The following DOCK4 variants were observed in gnomAD, a reference collection of about 807,000 sequenced individuals.
DOCK4 encodes dedicator of cytokinesis protein 4.
Under a neutral mutation model 268.1 loss-of-function variants are expected in DOCK4, and 97 were observed. That is an observed-to-expected ratio of 0.36 (90% CI 0.31 to 0.43). The LOEUF is 0.43. Among genes scored for constraint, DOCK4 ranks in the 20% least tolerant of loss-of-function variants. DOCK4 has a pLI of 1.00. For missense variants in DOCK4, 2,145 were observed against 2,455.7 expected (o/e 0.87, Z 2.67); for synonymous variants, 954 against 887.2 (o/e 1.08, Z -1.34).
At chr7:111,991,765 T>C (rs952039693) in intron 5 of DOCK4, among the ~76,000 whole-genome samples, 3 of 151,522 alleles carry the variant, frequency 2.0e-5, no homozygotes, top group Admixed American at 6.6e-5. Flanking sequence ...ATCGAGACCA[T>C]CCTGGCTAAC....
At chr7:111,859,766 A>C (rs898273566) in intron 23 of DOCK4, among the ~76,000 whole-genome samples, 5 of 151,256 alleles carry the variant, frequency 3.3e-5, no homozygotes, top group African/African-American at 1.2e-4. Flanking sequence ...ACGGGGTTTC[A>C]CCGTTTTAGC....
At chr7:111,806,608 C>T (rs1016687176) in intron 30 of DOCK4, among the ~76,000 whole-genome samples, 1 of 152,170 alleles carries the variant, frequency 6.6e-6, no homozygotes, top group Non-Finnish European at 1.5e-5. Context: ...AGAGCTAAGT[C>T]TTTATGGCTG....
chr7:111,878,132 G>A (rs1364478587), intron 16 of DOCK4, among the ~76,000 whole-genome samples: 3 of 152,190 alleles, frequency 2.0e-5, no homozygotes, highest in Non-Finnish European at 4.4e-5. Flanking sequence ...AAAGATGGGG[G>A]TTTGCTGTAA....
intron 42 of DOCK4, among the ~76,000 whole-genome samples, chr7:111,748,124 G>C (rs1200325810): frequency 6.6e-6 from 1 of 152,164 alleles, no homozygotes; most frequent in African/African-American, 2.4e-5. Flanking sequence ...GTATGTCATT[G>C]GGACTGCTAT....
intron 1 of DOCK4, among the ~76,000 whole-genome samples, chr7:112,058,024 AT>A (rs67991598): frequency 0.16 from 17,922 of 114,594 alleles, 1,656 homozygotes; most frequent in Non-Finnish European, 0.23. Context: ...TACAGGTTCA[AT>A]TTTTTTTTTT....
chr7:111,732,039 T>C (rs10953696), intron 52 of DOCK4, among the ~76,000 whole-genome samples, 187 bp downstream of exon 52: 111,491 of 152,204 alleles, frequency 0.73, 41,927 homozygotes, highest in African/African-American at 0.89. Context: ...TGGCTGCGTT[T>C]GTGCAGGAGG....
At chr7:112,130,113 T>A (rs753848113) in intron 1 of DOCK4, among the ~76,000 whole-genome samples, 1 of 152,102 alleles carries the variant, frequency 6.6e-6, no homozygotes, top group South Asian at 2.1e-4. Flanking sequence ...CGAGTTTGAA[T>A]GTTGGGTAAG....
rs1161787972 is a variant in DOCK4 at position 111,822,461 on chromosome 7, G to C, written c.2836-5C>G. 6.2e-7 allele frequency: 1 copy of C among 1,608,146 alleles called. No individual in the cohort carries two copies. Among genetic ancestry groups the C allele is most frequent in the Admixed American group, 1.7e-5 (1 of 59,518 alleles). ...AAATATCTGCAGCAGGAAATCCTTG[G>C]ATAAGGAGAAAATAGATCATTTTAT... On this transcript the variant is annotated splice_region_variant and splice_polypyrimidine_tract_variant and intron_variant, in intron 26 of 52. Transcript: ENST00000428084.
rs889256901 is a variant in DOCK4, at chr7:111,726,212, G to C, written c.*2062C>G. Reference sequence around the variant, plus strand: ...TCTTAAAATGTTCTGCTATGTAGCTGCTTCAGAAATACACACACATGATAA... The same window carrying C: ...TCTTAAAATGTTCTGCTATGTAGCTCCTTCAGAAATACACACACATGATAA... On this transcript the variant is annotated 3_prime_UTR_variant, in exon 53 of 53. Transcript: ENST00000428084. The C allele has an allele frequency of 1.3e-5, 2 of 152,592 alleles. No homozygotes were observed. The highest frequency in any genetic ancestry group is 2.9e-5 in the Non-Finnish European group (2 of 68,020). The allele number at this position is 152,592 out of a possible 1,614,324, so 9.5% of individuals were successfully genotyped here. A position where few individuals can be genotyped will look rare whatever the true frequency, so the allele number is the denominator to read the frequency against.
At chr7:112,105,940 C>T (rs1215869497) in intron 1 of DOCK4, among the ~76,000 whole-genome samples, 1 of 152,192 alleles carries the variant, frequency 6.6e-6, no homozygotes, top group Non-Finnish European at 1.5e-5. Context: ...ATGCTCCTTC[C>T]TCAGCCTCCT....
At chr7:111,807,119 A>G (rs1449351209) in intron 30 of DOCK4, among the ~76,000 whole-genome samples, 1 of 152,206 alleles carries the variant, frequency 6.6e-6, no homozygotes, top group East Asian at 1.9e-4. Flanking sequence ...TCTAGAACAG[A>G]AACTGGTCAT....
At chr7:112,168,882 C>T (rs1817835026) in intron 1 of DOCK4, among the ~76,000 whole-genome samples, 1 of 152,220 alleles carries the variant, frequency 6.6e-6, no homozygotes, top group Non-Finnish European at 1.5e-5. Flanking sequence ...TGAAAAATTA[C>T]ATTCTAAGCA....
intron 32 of DOCK4, among the ~76,000 whole-genome samples, chr7:111,787,754 C>CA (rs1180944664): frequency 6.6e-6 from 1 of 152,156 alleles, no homozygotes; most frequent in Non-Finnish European, 1.5e-5. Flanking sequence ...GGCATAAATA[C>CA]AAACACGAAT....
intron 23 of DOCK4, among the ~76,000 whole-genome samples, chr7:111,861,258 GGGAGAAATCGGAA>G (rs1805487630): frequency 6.6e-6 from 1 of 152,074 alleles, no homozygotes; most frequent in Non-Finnish European, 1.5e-5. Context: ...TGTTTTTATT[GGGAGAAATCGGAA>G]GGTTGAACTT....
chr7:111,921,698 C>T (rs142257874), intron 12 of DOCK4, among the ~76,000 whole-genome samples: 1 of 152,264 alleles, frequency 6.6e-6, no homozygotes, highest in Non-Finnish European at 1.5e-5. Flanking sequence ...GATAAAGGCA[C>T]CAATTCCATA....
chr7:111,820,594 C>T (rs1458777197), intron 27 of DOCK4: 1 of 152,132 alleles, frequency 6.6e-6, no homozygotes, highest in East Asian at 1.9e-4. Flanking sequence ...GTCTTTAAAA[C>T]TGAAGTAACG....
chr7:112,018,159 A>AC (rs1308837826), intron 1 of DOCK4, among the ~76,000 whole-genome samples: 3 of 138,504 alleles, frequency 2.2e-5, no homozygotes, highest in African/African-American at 8.3e-5. Flanking sequence ...AAAAAAAAAA[A>AC]AAAAAAAAAA....
At chr7:111,926,845 G>A (rs7810176) in intron 12 of DOCK4, among the ~76,000 whole-genome samples, 3 of 135,430 alleles carry the variant, frequency 2.2e-5, no homozygotes, top group Non-Finnish European at 4.8e-5. Context: ...GAAAGAAAGA[G>A]AAAGAGAAAA....
intron 1 of DOCK4, among the ~76,000 whole-genome samples, chr7:112,021,447 A>T (rs1380728437): frequency 6.6e-6 from 1 of 152,066 alleles, no homozygotes; most frequent in Non-Finnish European, 1.5e-5. Flanking sequence ...TCAGAAAAGA[A>T]GTGCTACTTG....
Sources: gnomAD v4.1 joint callset for allele counts (sites outside exome capture counted in the v4.1 genomes callset) on GRCh38, gnomAD v4.1.1 for gene constraint, MANE v1.5 for transcripts, NCBI Gene and HGNC (gene_info 2026-07-23, HGNC 2026-07-21) for gene names.